The following IQCH variants were observed in gnomAD, a reference collection of about 807,000 sequenced individuals.
IQCH encodes the protein IQ motif containing H, also known as IQ domain-containing protein H.
IQCH carries 98 observed loss-of-function variants against 117.0 expected under a neutral mutation model. That is an observed-to-expected ratio of 0.84 (90% CI 0.71 to 0.99). The LOEUF is 0.99. IQCH is among the 50% of genes least tolerant of loss of function. The pLI, the probability that IQCH is intolerant of heterozygous loss-of-function variation, is 0.00. For missense variants in IQCH, 1,102 were observed against 1,243.8 expected, an observed-to-expected ratio of 0.89 and a Z score of 1.72; for synonymous variants, 412 against 448.2, an observed-to-expected ratio of 0.92 and a Z score of 1.02.
chr15:67,363,341 T>G (rs535344348), intron 8 of IQCH, among the ~76,000 whole-genome samples: 2 of 151,602 alleles, frequency 1.3e-5, no homozygotes, highest in South Asian at 4.2e-4. Flanking sequence ...GTTCAAGCGA[T>G]TCTCCTGCCT....
intron 10 of IQCH, among the ~76,000 whole-genome samples, chr15:67,377,707 C>G (rs1305448063): frequency 6.6e-6 from 1 of 152,196 alleles, no homozygotes; most frequent in Admixed American, 6.5e-5. Context: ...AAGCCACTGC[C>G]AGCCAATTAA....
chr15:67,281,138 G>A lies in IQCH; in HGVS notation c.387+1626G>A, dbSNP rs149883263. 3.5e-3 allele frequency among the ~76,000 whole-genome samples: 531 copies of A among 152,172 alleles called. 3 individuals are homozygous for A. The highest frequency in any genetic ancestry group is 6.8e-3 in the Middle Eastern group (2 of 294). On this transcript the variant is annotated intron_variant, in intron 4 of 20. Transcript: ENST00000335894. ...GGATTACAGGCATGAGCCACCGCGC[G>A]TGGCCAGTTGTATGACTTTTTAAAT...
rs2083105939 is a variant in IQCH at position 67,472,892 on chromosome 15, T to A, written c.2677-2804T>A. 6.6e-6 allele frequency among the ~76,000 whole-genome samples: 1 copy of A among 152,150 alleles called. No individual in the cohort carries two copies. Among genetic ancestry groups the A allele is most frequent in the Non-Finnish European group, 1.5e-5 (1 of 68,016 alleles). On this transcript the variant is annotated intron_variant, in intron 17 of 20. Transcript: ENST00000335894. This position sits in a 1 kb window ranked among gnomAD's most constrained non-coding sequence, Gnocchi z 4.3. ...ACCCCAGTCTGGGAGGAAGGGGAGT[T>A]GCACTCTGCATCTGTAGTGAAGAAG...
chr15:67,416,845 T>C lies in IQCH; in HGVS notation c.2098-86T>C, dbSNP rs2081590298. On this transcript the variant is annotated intron_variant, in intron 14 of 20. Coordinates refer to ENST00000335894, the MANE Select transcript of IQCH (RefSeq NM_001031715.3). This position sits in a 1 kb window ranked among gnomAD's most constrained non-coding sequence, Gnocchi z 5.1. ...CAGTAACCACATTTTTTTTGCCTGT[T>C]GGAGGCCTGGTTTTTAATCACTCCA... The C allele has an allele frequency of 8.6e-7, 1 of 1,168,478 alleles. No homozygotes were observed. The highest frequency in any genetic ancestry group is 2.5e-5 in the South Asian group (1 of 39,724). The allele number at this position is 1,168,478 out of a possible 1,614,324, so 72.4% of individuals were successfully genotyped here. A position where few individuals can be genotyped will look rare whatever the true frequency, so the allele number is the denominator to read the frequency against.
Position 67,436,782 on chromosome 15 carries a change from C to T in IQCH, c.2505+15205C>T, listed in dbSNP as rs1008517071. 2.6e-5 allele frequency among the ~76,000 whole-genome samples: 4 copies of T among 152,048 alleles called. No homozygotes were observed. The highest frequency in any genetic ancestry group is 5.9e-5 in the Non-Finnish European group (4 of 67,980). ...GGTGAGGCCTGTGACTGCTGGCTTT[C>T]CCCCACTTCCCTGACAACCTGCATG... is the stretch of plus-strand genomic sequence containing the variant. On this transcript the variant is annotated intron_variant, in intron 16 of 20. Coordinates refer to ENST00000335894, the MANE Select transcript of IQCH (RefSeq NM_001031715.3). This position sits in a 1 kb window ranked among gnomAD's most constrained non-coding sequence, Gnocchi z 5.1.
chr15:67,421,864 C>G (rs764927605), intron 16 of IQCH, among the ~76,000 whole-genome samples: 1 of 152,020 alleles, frequency 6.6e-6, no homozygotes, highest in Non-Finnish European at 1.5e-5. Context: ...TTTGGGAGGC[C>G]GAGGTGGGCA....
chr15:67,420,539 C>A (rs2081709225), intron 15 of IQCH, among the ~76,000 whole-genome samples: 1 of 152,030 alleles, frequency 6.6e-6, no homozygotes, highest in South Asian at 2.1e-4. Flanking sequence ...GTAAGTTGGG[C>A]CTAAAAACAG....
rs950267136 is a variant in IQCH, at chr15:67,388,377, C to T, written c.1457-454C>T. Among the ~76,000 whole-genome samples, 1 of 152,126 alleles carries T rather than the reference C, an allele frequency of 6.6e-6. No homozygotes were observed. The highest frequency in any genetic ancestry group is 2.4e-5 in the African/African-American group (1 of 41,410). ...GACCATTTATTTCAACAGGACATTC[C>T]CTGAATTGACCCTGTCAAGTCCATA... On this transcript the variant is annotated intron_variant, in intron 11 of 20. Coordinates refer to ENST00000335894, the MANE Select transcript of IQCH (RefSeq NM_001031715.3). The surrounding 1 kb of genome is among the most constrained non-coding windows in gnomAD (Gnocchi z 5.5).
In IQCH at chr15:67,453,014, C is replaced by G. The variant is rs993194018; in HGVS notation, c.2506-12113C>G. Among the ~76,000 whole-genome samples the G allele has an allele frequency of 6.6e-6, 1 of 152,186 alleles. No individual in the cohort carries two copies. The highest frequency in any genetic ancestry group is 2.1e-4 in the South Asian group (1 of 4,828). ...TGATACCCTTTCTTCCAGTTGATCA[C>G]GTCGGCTAATAAGGCTTCTGCATTC... On this transcript the variant is annotated intron_variant, in intron 16 of 20. Transcript: ENST00000335894. The surrounding 1 kb of genome is among the most constrained non-coding windows in gnomAD (Gnocchi z 5.8).
Position 67,473,402 on chromosome 15 carries a change from AC to A in IQCH, c.2677-2292del, listed in dbSNP as rs753051315. Reference sequence around the variant, plus strand: ...CCCACCAATTATTCCTGCTTAGTCCACCAGAGCCATGCTGTCCTCCAGCAGG... The same window carrying A: ...CCCACCAATTATTCCTGCTTAGTCCACAGAGCCATGCTGTCCTCCAGCAGG... On this transcript the variant is annotated intron_variant, in intron 17 of 20. Coordinates refer to ENST00000335894, the MANE Select transcript of IQCH (RefSeq NM_001031715.3). The surrounding 1 kb of genome is among the most constrained non-coding windows in gnomAD (Gnocchi z 4.9). Among the ~76,000 whole-genome samples, 266 of 152,262 alleles carry A rather than the reference AC, an allele frequency of 1.7e-3. 2 individuals carry two copies. The highest frequency in any genetic ancestry group is 5.9e-3 in the African/African-American group (247 of 41,550).
chr15:67,434,961 T>G (rs376228241), intron 16 of IQCH, among the ~76,000 whole-genome samples: 2 of 147,150 alleles, frequency 1.4e-5, no homozygotes, highest in African/African-American at 5.0e-5. Flanking sequence ...TTTTAATTTT[T>G]TTGTATTTTT....
rs1201249203 is a variant in IQCH, at chr15:67,473,418, C to A, written c.2677-2278C>A. Among the ~76,000 whole-genome samples the A allele has an allele frequency of 3.3e-5, 5 of 152,228 alleles. No individual in the cohort carries two copies. Among genetic ancestry groups the A allele is most frequent in the Admixed American group, 3.3e-4 (5 of 15,286 alleles). On this transcript the variant is annotated intron_variant, in intron 17 of 20. Coordinates refer to ENST00000335894, the MANE Select transcript of IQCH (RefSeq NM_001031715.3). The surrounding 1 kb of genome is among the most constrained non-coding windows in gnomAD (Gnocchi z 4.9). ...GCTTAGTCCACCAGAGCCATGCTGTCCTCCAGCAGGCAAGGCCCGGAGCAA... is the reference window on the plus strand; with the variant it reads ...GCTTAGTCCACCAGAGCCATGCTGTACTCCAGCAGGCAAGGCCCGGAGCAA...
intron 4 of IQCH, among the ~76,000 whole-genome samples, chr15:67,324,677 T>C (rs1206116132): frequency 2.0e-5 from 3 of 151,662 alleles, no homozygotes; most frequent in African/African-American, 7.3e-5. Context: ...GATTTTTCAC[T>C]GGGTATAGAA....
chr15:67,409,663 C>G (rs996692837), intron 14 of IQCH, among the ~76,000 whole-genome samples: 3 of 152,194 alleles, frequency 2.0e-5, no homozygotes, highest in African/African-American at 4.8e-5. Context: ...ATGAGAGCCG[C>G]CACCACAGCG....
At chr15:67,305,613 G>T (rs556238577) in intron 4 of IQCH, among the ~76,000 whole-genome samples, 1 of 152,044 alleles carries the variant, frequency 6.6e-6, no homozygotes, top group African/African-American at 2.4e-5. Flanking sequence ...CTCTTTTGTT[G>T]TTGGTTTTCC....
intron 3 of IQCH, among the ~76,000 whole-genome samples, chr15:67,275,015 A>T (rs903103698): frequency 3.3e-5 from 5 of 152,192 alleles, no homozygotes; most frequent in Non-Finnish European, 1.5e-5. Flanking sequence ...GACCTGTGGA[A>T]CATACTTTCT....
In IQCH at chr15:67,432,307, G is replaced by T. The variant is rs1256682772; in HGVS notation, c.2505+10730G>T. Among the ~76,000 whole-genome samples the T allele has an allele frequency of 6.6e-6, 1 of 152,062 alleles. No homozygotes were observed. The highest frequency in any genetic ancestry group is 1.9e-4 in the East Asian group (1 of 5,180). On this transcript the variant is annotated intron_variant, in intron 16 of 20. Coordinates refer to ENST00000335894, the MANE Select transcript of IQCH (RefSeq NM_001031715.3). This position sits in a 1 kb window ranked among gnomAD's most constrained non-coding sequence, Gnocchi z 5.0. The stretch of plus-strand genomic sequence containing the variant: ...GAAAATGGAGGCCCTGATATATACC[G>T]CAGTATATCCCATAAAGTCTGAAAA...
chr15:67,465,355 C>A lies in IQCH; in HGVS notation c.2676+58C>A, dbSNP rs1003429242. ...TGTTCAGCAACACCCACTGCCACTGCCTGAGCTCTGTCTAGGAGCCAGGAT... is the reference window on the plus strand; with the variant it reads ...TGTTCAGCAACACCCACTGCCACTGACTGAGCTCTGTCTAGGAGCCAGGAT... On this transcript the variant is annotated intron_variant, in intron 17 of 20. Coordinates refer to ENST00000335894, the MANE Select transcript of IQCH (RefSeq NM_001031715.3). The surrounding 1 kb of genome is among the most constrained non-coding windows in gnomAD (Gnocchi z 5.9). 1.3e-6 allele frequency: 2 copies of A among 1,551,210 alleles called. No individual in the cohort carries two copies. Among genetic ancestry groups the A allele is most frequent in the African/African-American group, 2.7e-5 (2 of 73,714 alleles).
chr15:67,410,569 A>C (rs7359257), intron 14 of IQCH, among the ~76,000 whole-genome samples: 68,982 of 152,062 alleles, frequency 0.45, 16,744 homozygotes, highest in Non-Finnish European at 0.55. Context: ...TGATTGGTCT[A>C]ATTGGGTCAT....
Sources: gnomAD v4.1 joint callset for allele counts (sites outside exome capture counted in the v4.1 genomes callset) on GRCh38, gnomAD v4.1.1 for gene constraint, Gnocchi (gnomAD v3.1) non-coding constraint, MANE v1.5 for transcripts, NCBI Gene and HGNC (gene_info 2026-07-23, HGNC 2026-07-21) for gene names.